CPEB4: variants seen among roughly 807,000 people sequenced by gnomAD.
The protein encoded by CPEB4 is cytoplasmic polyadenylation element binding protein 4.
CPEB4 carries 12 observed loss-of-function variants against 72.5 expected under a neutral mutation model. The ratio of observed to expected loss-of-function variants is 0.17; its 90% CI spans 0.11 to 0.27. The LOEUF is 0.27. Among genes scored for constraint, CPEB4 ranks in the 10% least tolerant of loss-of-function variants. The probability of loss-of-function intolerance (pLI) is 1.00; values close to 1 mark genes in which losing one functional copy is unlikely to be tolerated. For missense variants in CPEB4, 614 were observed against 908.5 expected (o/e 0.68, Z 4.17); for synonymous variants, 302 against 326.3 (o/e 0.93, Z 0.80).
intron 2 of CPEB4, among the ~76,000 whole-genome samples, chr5:173,913,311 T>TCTCA (rs1756735859): frequency 6.6e-6 from 1 of 151,956 alleles, no homozygotes; most frequent in South Asian, 2.1e-4. Context: ...AATTCTCCTG[T>TCTCA]CTCAGCCTCC....
At chr5:173,907,096 G>A (rs1050382237) in intron 1 of CPEB4, among the ~76,000 whole-genome samples, 34 of 152,220 alleles carry the variant, frequency 2.2e-4, no homozygotes, top group Non-Finnish European at 2.1e-4. Flanking sequence ...GTGAAACCCC[G>A]TCTATACTAA....
intron 2 of CPEB4, among the ~76,000 whole-genome samples, chr5:173,926,613 T>A (rs1757251854): frequency 1.3e-5 from 2 of 152,236 alleles, no homozygotes; most frequent in Non-Finnish European, 2.9e-5. Context: ...ATGCCAGGCT[T>A]CTGGTTCCAA....
chr5:173,940,332 TAAAGTCATTTTTTAACTTA>T (rs1183329104), intron 3 of CPEB4, among the ~76,000 whole-genome samples: 2 of 152,162 alleles, frequency 1.3e-5, no homozygotes, highest in Non-Finnish European at 2.9e-5. Context: ...TGAACATAAT[TAAAGTCATTTTTTAACTTA>T]CACTTCCTCG....
chr5:173,929,280 G>A (rs1315859376), intron 2 of CPEB4, among the ~76,000 whole-genome samples: 1 of 152,214 alleles, frequency 6.6e-6, no homozygotes, highest in Non-Finnish European at 1.5e-5. Context: ...TTACTGTCAA[G>A]TTGAAATTTT....
chr5:173,926,884 C>T (rs913582588), intron 2 of CPEB4, among the ~76,000 whole-genome samples: 7 of 152,212 alleles, frequency 4.6e-5, no homozygotes, highest in African/African-American at 1.7e-4. Flanking sequence ...CACCGTGGCT[C>T]ATGCCTGTAA....
rs1758380249 is a variant in CPEB4, at chr5:173,956,435, GAA to G, written c.*300_*301del. 3.4e-6 allele frequency: 1 copy of G among 291,274 alleles called. No homozygotes were observed. The highest frequency in any genetic ancestry group is 4.6e-5 in the Admixed American group (1 of 21,584). 18.0% of individuals were successfully genotyped at this position (291,274 alleles called of 1,614,324 possible). A position where few individuals can be genotyped will look rare whatever the true frequency, so the allele number is the denominator to read the frequency against. ...GCAACATTTTCTTAGAGGAGAGAGA[GAA>G]ATATTAAAAGAGAAATGAAACAATA... On this transcript the variant is annotated 3_prime_UTR_variant, in exon 10 of 10. Coordinates refer to ENST00000265085, the MANE Select transcript of CPEB4 (RefSeq NM_030627.4).
At position 173,945,155 on chromosome 5, in the gene CPEB4, G is replaced by GT. The variant is rs767639353; in HGVS notation, c.1456+18dup. ...CATTGATGAAGGTATGTTTAGAACT[G>GT]TTTATAGCACGGTGCCCAGATGGTG... On this transcript the variant is annotated intron_variant, in intron 5 of 9. Coordinates refer to ENST00000265085, the MANE Select transcript of CPEB4 (RefSeq NM_030627.4). 6.2e-7 allele frequency: 1 copy of GT among 1,602,022 alleles called. No homozygotes were observed. Among genetic ancestry groups the GT allele is most frequent in the Non-Finnish European group, 8.5e-7 (1 of 1,171,036 alleles).
At chr5:173,913,333 G>A (rs1310240170) in intron 2 of CPEB4, among the ~76,000 whole-genome samples, 2 of 152,054 alleles carry the variant, frequency 1.3e-5, no homozygotes, top group Non-Finnish European at 1.5e-5. Flanking sequence ...AAGCAGCTGG[G>A]ACTACAGGCG....
intron 1 of CPEB4, chr5:173,893,147 A>G (rs1755876871): frequency 6.6e-6 from 1 of 152,166 alleles, no homozygotes; most frequent in Non-Finnish European, 1.5e-5. Context: ...CTCTATGACA[A>G]GAAACTCCTA....
At position 173,950,522 on chromosome 5, in the gene CPEB4, C is replaced by G. The variant is rs1203006881; in HGVS notation, c.1665+444C>G. On this transcript the variant is annotated intron_variant, in intron 7 of 9. Coordinates refer to ENST00000265085, the MANE Select transcript of CPEB4 (RefSeq NM_030627.4). This position sits in a 1 kb window ranked among gnomAD's most constrained non-coding sequence, Gnocchi z 5.0. ...TGGGAGACTGAGGCAGGACAATCAC[C>G]TGAACCCAGGAGGCGGAGGTTGCAG... is the stretch of plus-strand genomic sequence containing the variant. Among the ~76,000 whole-genome samples the G allele has an allele frequency of 4.6e-5, 7 of 152,006 alleles. No homozygotes were observed. The highest frequency in any genetic ancestry group is 8.8e-5 in the Non-Finnish European group (6 of 67,982).
chr5:173,944,578 C>G, intron 4 of CPEB4, among the ~76,000 whole-genome samples: 1 of 151,790 alleles, frequency 6.6e-6, no homozygotes, highest in East Asian at 1.9e-4. Flanking sequence ...GTAAGTGATT[C>G]AATGTCTTAC....
At chr5:173,941,997 C>T (rs185539409) in intron 3 of CPEB4, among the ~76,000 whole-genome samples, 15 of 152,348 alleles carry the variant, frequency 9.8e-5, no homozygotes, top group East Asian at 1.9e-4. Flanking sequence ...CTGCGTGTAA[C>T]GCTGTTGAGC....
At chr5:173,909,566 G>T (rs1756565627) in intron 1 of CPEB4, among the ~76,000 whole-genome samples, 2 of 151,682 alleles carry the variant, frequency 1.3e-5, no homozygotes, top group South Asian at 4.2e-4. Context: ...GAAGGAAGGA[G>T]ATTTTTTTTC....
chr5:173,893,947 A>G (rs771469774), intron 1 of CPEB4, among the ~76,000 whole-genome samples: 38 of 152,212 alleles, frequency 2.5e-4, no homozygotes, highest in Non-Finnish European at 4.4e-4. Context: ...GCTTAGCTTA[A>G]AGCTTCATTA....
At chr5:173,942,420 C>T (rs1248950282) in intron 3 of CPEB4, among the ~76,000 whole-genome samples, 1 of 152,222 alleles carries the variant, frequency 6.6e-6, no homozygotes, top group Non-Finnish European at 1.5e-5. Flanking sequence ...CCCTTGGCTA[C>T]AACCTACTTG....
intron 1 of CPEB4, among the ~76,000 whole-genome samples, chr5:173,905,930 A>G (rs1191737833): frequency 6.6e-6 from 1 of 152,248 alleles, no homozygotes; most frequent in Non-Finnish European, 1.5e-5. Context: ...AAAGGACGAA[A>G]GTGCCCAAGC....
At chr5:173,918,681 A>T (rs1756966955) in intron 2 of CPEB4, among the ~76,000 whole-genome samples, 1 of 152,174 alleles carries the variant, frequency 6.6e-6, no homozygotes, top group South Asian at 2.1e-4. Context: ...TACTTACATA[A>T]CACATACTAG....
chr5:173,922,641 T>C (rs553900034), intron 2 of CPEB4, among the ~76,000 whole-genome samples: 27 of 152,370 alleles, frequency 1.8e-4, no homozygotes, highest in Admixed American at 7.8e-4. Flanking sequence ...TACTGAAGTG[T>C]GCCTTATTGG....
rs1044251992 is a variant in CPEB4, at chr5:173,888,616, G to A, written c.-1118G>A. The A allele has an allele frequency of 5.0e-6, 2 of 401,000 alleles. No individual in the cohort carries two copies. Among genetic ancestry groups the A allele is most frequent in the Non-Finnish European group, 8.8e-6 (2 of 227,290 alleles). 24.8% of individuals were successfully genotyped at this position (401,000 alleles called of 1,614,324 possible). ...TTATAGTTTAAAAAAAAATTCTGGG[G>A]GAAAAGAGAGAGAAAGCCGAGGGGG... On this transcript the variant is annotated 5_prime_UTR_variant, in exon 1 of 10. Coordinates refer to ENST00000265085, the MANE Select transcript of CPEB4 (RefSeq NM_030627.4). This position sits in a 1 kb window ranked among gnomAD's most constrained non-coding sequence, Gnocchi z 4.3.
Sources: gnomAD v4.1 joint callset for allele counts (sites outside exome capture counted in the v4.1 genomes callset) on GRCh38, gnomAD v4.1.1 for gene constraint, Gnocchi (gnomAD v3.1) non-coding constraint, MANE v1.5 for transcripts, NCBI Gene and HGNC (gene_info 2026-07-23, HGNC 2026-07-21) for gene names.